PTPRR: variants seen among roughly 807,000 people sequenced by gnomAD.
The protein encoded by PTPRR is receptor-type tyrosine-protein phosphatase R.
Under a neutral mutation model 77.2 loss-of-function variants are expected in PTPRR, and 38 were observed. The observed-to-expected ratio is 0.49, with a 90% confidence interval of 0.38 to 0.65. The LOEUF is 0.65. Ranked by LOEUF, PTPRR falls within the 30% of genes least tolerant of loss-of-function variation. PTPRR has a pLI of 0.00. For missense variants in PTPRR, 744 were observed against 799.2 expected, an observed-to-expected ratio of 0.93 and a Z score of 0.83; for synonymous variants, 299 against 283.1, an observed-to-expected ratio of 1.06 and a Z score of -0.57.
intron 2 of PTPRR, among the ~76,000 whole-genome samples, chr12:70,879,288 G>A (rs1893108331): frequency 6.6e-6 from 1 of 151,658 alleles, no homozygotes. Flanking sequence ...CCAACTGATG[G>A]CACATTATAT....
Position 70,754,362 on chromosome 12 carries a change from A to G in PTPRR, c.628-61T>C, listed in dbSNP as rs188723671. On this transcript the variant is annotated intron_variant, in intron 4 of 13. Transcript: ENST00000283228. ...AGAGCTTGAGAAAACTGGCGTTCTT[A>G]TCAGACACTAAACATATTTTTAGCC... 1.5e-4 allele frequency: 238 copies of G among 1,601,404 alleles called. No homozygotes were observed. The Admixed American group carries it at 1.9e-3, about 13-fold the overall frequency.
At chr12:70,784,759 C>T (rs1891287792) in intron 2 of PTPRR, among the ~76,000 whole-genome samples, 1 of 152,212 alleles carries the variant, frequency 6.6e-6, no homozygotes, top group Non-Finnish European at 1.5e-5. Context: ...TAGTGACTTG[C>T]TTCTTTGGAT....
chr12:70,916,887 A>C (rs1893783007), intron 1 of PTPRR, among the ~76,000 whole-genome samples: 1 of 152,240 alleles, frequency 6.6e-6, no homozygotes, highest in Non-Finnish European at 1.5e-5. Context: ...AGAACAACAC[A>C]GAAATTTGAA....
intron 2 of PTPRR, among the ~76,000 whole-genome samples, chr12:70,774,692 T>C (rs896263784): frequency 1.3e-5 from 2 of 152,194 alleles, no homozygotes; most frequent in Admixed American, 6.5e-5. Context: ...TGCTAAAATA[T>C]AGTACAAACA....
At chr12:70,868,966 T>C (rs1892911837) in intron 2 of PTPRR, among the ~76,000 whole-genome samples, 1 of 136,958 alleles carries the variant, frequency 7.3e-6, no homozygotes, top group Admixed American at 8.4e-5. Flanking sequence ...TTCTCACTCA[T>C]AGGTGGGAAT....
chr12:70,897,798 A>T (rs1029010347), intron 1 of PTPRR, among the ~76,000 whole-genome samples: 8 of 152,180 alleles, frequency 5.3e-5, no homozygotes, highest in African/African-American at 1.9e-4. Context: ...AATGTGGCAC[A>T]TGTACACCAT....
intron 2 of PTPRR, among the ~76,000 whole-genome samples, chr12:70,891,870 CA>C (rs1414965745): frequency 6.6e-6 from 1 of 152,056 alleles, no homozygotes; most frequent in Non-Finnish European, 1.5e-5. Context: ...CTTGGCCACA[CA>C]AATCAACTCA....
At chr12:70,809,329 T>C (rs1307315006) in intron 2 of PTPRR, among the ~76,000 whole-genome samples, 1 of 152,178 alleles carries the variant, frequency 6.6e-6, no homozygotes, top group African/African-American at 2.4e-5. Context: ...TGGGACATTG[T>C]TGAACTACTG....
chr12:70,772,585 AT>A lies in PTPRR; in HGVS notation c.358-7808del, dbSNP rs557818153. On this transcript the variant is annotated intron_variant, in intron 2 of 13. Transcript: ENST00000283228. Reference sequence around the variant, plus strand: ...AGGTATAGGGTTCCCAGTCAAGATGATGGGCCCAGCTAAAGCTCCAGCCTGC... The same window carrying A: ...AGGTATAGGGTTCCCAGTCAAGATGAGGGCCCAGCTAAAGCTCCAGCCTGC... Among the ~76,000 whole-genome samples the A allele has an allele frequency of 1.4e-4, 22 of 152,264 alleles. No homozygotes were observed. In the South Asian group the frequency reaches 4.6e-3, roughly 32 times the overall value.
chr12:70,885,870 A>C (rs4760840), intron 2 of PTPRR, among the ~76,000 whole-genome samples: 4 of 151,924 alleles, frequency 2.6e-5, no homozygotes, highest in Admixed American at 1.3e-4. Context: ...CCTTATCTAA[A>C]CTTTCTAAAT....
At chr12:70,792,809 G>C (rs186048940) in intron 2 of PTPRR, among the ~76,000 whole-genome samples, 1 of 152,166 alleles carries the variant, frequency 6.6e-6, no homozygotes, top group Admixed American at 6.5e-5. Flanking sequence ...TGTCTGAACA[G>C]GATCTACTTT....
intron 8 of PTPRR, 113 bp downstream of exon 8, chr12:70,698,152 T>C (rs1888294629): frequency 2.5e-5 from 19 of 745,968 alleles, no homozygotes; most frequent in South Asian, 1.7e-5. Context: ...TGTGCCATTG[T>C]GGTTTGCTTT....
chr12:70,737,128 G>A (rs1403445884), intron 6 of PTPRR, among the ~76,000 whole-genome samples: 1 of 152,126 alleles, frequency 6.6e-6, no homozygotes, highest in Non-Finnish European at 1.5e-5. Flanking sequence ...TGGGTGGCCT[G>A]GAGTCAGTGG....
chr12:70,674,523 T>C (rs1352566100), intron 10 of PTPRR, among the ~76,000 whole-genome samples: 1 of 152,146 alleles, frequency 6.6e-6, no homozygotes, highest in Non-Finnish European at 1.5e-5. Context: ...TGTTAAAACT[T>C]TTTTTAAGCA....
At chr12:70,803,084 T>TTTACCATATCTTAGAAA (rs1891645082) in intron 2 of PTPRR, among the ~76,000 whole-genome samples, 1 of 152,188 alleles carries the variant, frequency 6.6e-6, no homozygotes, top group Admixed American at 6.5e-5. Flanking sequence ...TTAGAAAGAA[T>TTTACCATATCTTAGAAA]ATTTACCATA....
chr12:70,659,957 T>C (rs1413013602), intron 12 of PTPRR, among the ~76,000 whole-genome samples: 1 of 133,922 alleles, frequency 7.5e-6, no homozygotes, highest in East Asian at 2.6e-4. Flanking sequence ...GTGGATCACG[T>C]TTGAAGTCAG....
At chr12:70,780,108 C>T (rs1390936287) in intron 2 of PTPRR, among the ~76,000 whole-genome samples, 3 of 152,062 alleles carry the variant, frequency 2.0e-5, no homozygotes, top group Non-Finnish European at 4.4e-5. Context: ...TCTCCTGCCT[C>T]AGCCTCCCGA....
chr12:70,692,692 TG>T lies in PTPRR; in HGVS notation c.1279+5572del, dbSNP rs573748499. On this transcript the variant is annotated intron_variant, in intron 8 of 13. Coordinates refer to ENST00000283228, the MANE Select transcript of PTPRR (RefSeq NM_002849.4). ...CACATATTGTTTCCTTTGCCTTCTC[TG>T]CATGGTAAAGTCTTCCTCATTACTC... is the stretch of plus-strand genomic sequence containing the variant. Among the ~76,000 whole-genome samples the T allele has an allele frequency of 2.4e-4, 37 of 152,326 alleles. No individual in the cohort carries two copies. The South Asian group carries it at 4.8e-3, about 20-fold the overall frequency.
chr12:70,756,650 A>C (rs1890571139), intron 4 of PTPRR, among the ~76,000 whole-genome samples: 1 of 152,194 alleles, frequency 6.6e-6, no homozygotes, highest in Admixed American at 6.5e-5. Flanking sequence ...GTTGCAGTGA[A>C]AGAAGCTGAT....
Sources: gnomAD v4.1 joint callset for allele counts (sites outside exome capture counted in the v4.1 genomes callset) on GRCh38, gnomAD v4.1.1 for gene constraint, MANE v1.5 for transcripts, NCBI Gene and HGNC (gene_info 2026-07-23, HGNC 2026-07-21) for gene names.